CCDC192: variants seen among roughly 807,000 people sequenced by gnomAD.
CCDC192 encodes coiled-coil domain-containing protein 192.
At chr5:127,829,600 A>G (rs1298772882) in intron 5 of CCDC192, among the ~76,000 whole-genome samples, 1 of 152,224 alleles carries the variant, frequency 6.6e-6, no homozygotes, top group Non-Finnish European at 1.5e-5. Context: ...TTAATATACA[A>G]AAAATGAAAT....
chr5:127,758,547 TG>T (rs2126883360), intron 3 of CCDC192, among the ~76,000 whole-genome samples: 1 of 152,378 alleles, frequency 6.6e-6, no homozygotes, highest in South Asian at 2.1e-4. Flanking sequence ...AAGTGTCATT[TG>T]GCTCCAACTT....
At chr5:127,931,970 C>T (rs1754041315) in intron 6 of CCDC192, among the ~76,000 whole-genome samples, 1 of 151,400 alleles carries the variant, frequency 6.6e-6, no homozygotes, top group African/African-American at 2.4e-5. Flanking sequence ...GCCAACATGG[C>T]GAAACCCTGT....
At chr5:127,736,570 TG>T (rs1753009925) in intron 2 of CCDC192, among the ~76,000 whole-genome samples, 1 of 151,946 alleles carries the variant, frequency 6.6e-6, no homozygotes, top group African/African-American at 2.4e-5. Flanking sequence ...GGACTCTTTT[TG>T]GTTGGTAAGC....
At chr5:127,823,315 C>T (rs1241100945) in intron 5 of CCDC192, among the ~76,000 whole-genome samples, 5 of 152,190 alleles carry the variant, frequency 3.3e-5, no homozygotes, top group Non-Finnish European at 5.9e-5. Flanking sequence ...CTACCATCTG[C>T]CCAGGTCTTG....
chr5:127,812,639 A>C (rs551863947), intron 5 of CCDC192, among the ~76,000 whole-genome samples: 18 of 152,302 alleles, frequency 1.2e-4, no homozygotes, highest in Non-Finnish European at 2.2e-4. Flanking sequence ...AGCCCAAGAT[A>C]TTACTCACTC....
At chr5:127,754,596 C>A (rs369322683) in intron 3 of CCDC192, among the ~76,000 whole-genome samples, 3 of 151,730 alleles carry the variant, frequency 2.0e-5, no homozygotes, top group African/African-American at 7.3e-5. Context: ...TCTGTATGGA[C>A]CTTTTCAGCG....
At chr5:127,770,303 C>T (rs1755476100) in intron 3 of CCDC192, among the ~76,000 whole-genome samples, 1 of 152,208 alleles carries the variant, frequency 6.6e-6, no homozygotes, top group Admixed American at 6.5e-5. Context: ...AATATAACTG[C>T]AGTGACCTTG....
chr5:127,732,772 A>G (rs1036604189), intron 2 of CCDC192, among the ~76,000 whole-genome samples: 7 of 152,212 alleles, frequency 4.6e-5, no homozygotes, highest in African/African-American at 1.7e-4. Flanking sequence ...GTTCTCACTT[A>G]TAAGTGGGAG....
chr5:127,754,476 C>A, intron 3 of CCDC192, 101 bp downstream of exon 3: 1 of 337,514 alleles, frequency 3.0e-6, no homozygotes, highest in Non-Finnish European at 5.1e-6. Context: ...TACTGATACA[C>A]ACACACACAC....
intron 3 of CCDC192, among the ~76,000 whole-genome samples, chr5:127,756,591 T>C (rs1754613167): frequency 6.6e-6 from 1 of 152,220 alleles, no homozygotes; most frequent in Non-Finnish European, 1.5e-5. Flanking sequence ...GATCTTAAGC[T>C]TTACAATAGT....
chr5:127,736,521 T>C (rs535703340), intron 2 of CCDC192, among the ~76,000 whole-genome samples: 1 of 152,118 alleles, frequency 6.6e-6, no homozygotes, highest in East Asian at 1.9e-4. Flanking sequence ...TTCCTCCTTT[T>C]ACCTCTGGTA....
At chr5:127,719,496 C>T (rs1434017056) in intron 2 of CCDC192, among the ~76,000 whole-genome samples, 6 of 76,732 alleles carry the variant, frequency 7.8e-5, no homozygotes, top group South Asian at 4.9e-4. Context: ...TATATATATA[C>T]ACACACATAC....
intron 6 of CCDC192, among the ~76,000 whole-genome samples, chr5:127,911,177 G>A (rs1168874655): frequency 1.3e-5 from 2 of 152,184 alleles, no homozygotes; most frequent in Admixed American, 1.3e-4. Flanking sequence ...ATATGTGTAT[G>A]TATGTCAACA....
intron 6 of CCDC192, among the ~76,000 whole-genome samples, chr5:127,929,620 TC>T (rs1753962581): frequency 6.6e-6 from 1 of 152,150 alleles, no homozygotes; most frequent in Non-Finnish European, 1.5e-5. Flanking sequence ...ACAAGTAAAA[TC>T]CTGATAAACA....
At chr5:127,777,272 A>G (rs1362848440) in intron 3 of CCDC192, among the ~76,000 whole-genome samples, 1 of 152,230 alleles carries the variant, frequency 6.6e-6, no homozygotes, top group Non-Finnish European at 1.5e-5. Flanking sequence ...AAAGGGGATC[A>G]TTTTGGAGCT....
intron 2 of CCDC192, among the ~76,000 whole-genome samples, chr5:127,715,799 G>A (rs1014098573): frequency 6.6e-6 from 1 of 152,048 alleles, no homozygotes. Context: ...TTTGTGTAAA[G>A]TCTTTGAAGT....
At chr5:127,930,192 A>G (rs1018825888) in intron 6 of CCDC192, among the ~76,000 whole-genome samples, 2 of 151,176 alleles carry the variant, frequency 1.3e-5, no homozygotes, top group African/African-American at 2.4e-5. Context: ...TGATAGAGTG[A>G]GACTTCTTCT....
chr5:127,919,136 G>A (rs1221922240), intron 6 of CCDC192, among the ~76,000 whole-genome samples: 2 of 150,614 alleles, frequency 1.3e-5, no homozygotes, highest in African/African-American at 4.9e-5. Flanking sequence ...AACATCTCCA[G>A]ATTAGATCAG....
chr5:127,820,036 C>T (rs1215827657), intron 5 of CCDC192, among the ~76,000 whole-genome samples: 3 of 152,202 alleles, frequency 2.0e-5, no homozygotes, highest in Non-Finnish European at 4.4e-5. Context: ...AGCATTTCAT[C>T]TTCATACTCT....
Sources: gnomAD v4.1 joint callset for allele counts (sites outside exome capture counted in the v4.1 genomes callset) on GRCh38, gnomAD v4.1.1 for gene constraint, MANE v1.5 for transcripts, NCBI Gene and HGNC (gene_info 2026-07-23, HGNC 2026-07-21) for gene names.